Variants in PRCC observed in about 807,000 individuals in gnomAD.
PRCC encodes the protein proline-rich protein PRCC.
A neutral mutation model predicts 44.0 loss-of-function variants in PRCC; 10 were observed. The observed-to-expected ratio is 0.23, with a 90% CI of 0.14 to 0.39. The LOEUF (loss-of-function observed/expected upper bound fraction) is 0.39. Ranked by LOEUF, PRCC falls within the 10% of genes least tolerant of loss-of-function variation. PRCC has a pLI of 1.00. For synonymous variants in PRCC, 278 were observed against 259.5 expected (o/e 1.07, Z -0.69); for missense variants, 573 against 624.7 (o/e 0.92, Z 0.88).
intron 1 of PRCC, among the ~76,000 whole-genome samples, chr1:156,779,275 C>T (rs999011401): frequency 1.3e-5 from 2 of 149,142 alleles, no homozygotes; most frequent in Non-Finnish European, 3.0e-5. Flanking sequence ...TCATCTCAGC[C>T]TCCCTAGTAG....
intron 1 of PRCC, among the ~76,000 whole-genome samples, chr1:156,771,842 T>A (rs1431779205): frequency 6.6e-6 from 1 of 152,150 alleles, no homozygotes; most frequent in African/African-American, 2.4e-5. Flanking sequence ...TAAATGGTAA[T>A]GCATCATAAA....
At chr1:156,784,084 C>A (rs1461645496) in intron 2 of PRCC, among the ~76,000 whole-genome samples, 3 of 151,904 alleles carry the variant, frequency 2.0e-5, no homozygotes, top group African/African-American at 7.3e-5. Context: ...GTAGCTGGGA[C>A]TACAGGCACC....
chr1:156,778,504 T>C lies in PRCC; in HGVS notation c.469-3778T>C, dbSNP rs1213989347. On this transcript the variant is annotated intron_variant, in intron 1 of 6. Transcript: ENST00000271526. ...GCTACAGTGAACATGGGAGTGCAGA[T>C]ACCTCTTTGGCAAACTGATTTCAAA... is the stretch of plus-strand genomic sequence containing the variant. Among the ~76,000 whole-genome samples, 4 of 152,242 alleles carry C rather than the reference T, an allele frequency of 2.6e-5. 1 individual carries two copies. The South Asian group carries it at 6.2e-4, about 24-fold the overall frequency.
intron 2 of PRCC, among the ~76,000 whole-genome samples, chr1:156,783,962 G>A (rs575092002): frequency 4.7e-5 from 7 of 147,972 alleles, no homozygotes; most frequent in Non-Finnish European, 1.0e-4. Context: ...TTTTTTTTTG[G>A]GGGGGACGGA....
Position 156,767,997 on chromosome 1 carries a change from A to G in PRCC, c.226A>G (p.Arg76Gly), listed in dbSNP as rs1651473644. ...LLLPPPTGDPRLQPPPPLPFG... is the reference protein window; with the variant it reads ...LLLPPPTGDPGLQPPPPLPFG... ...GCTTCCCCCACCCACCGGAGACCCC[A>G]GGCTTCAGCCTCCTCCCCCCTTGCC... The change falls in exon 1 of 7, where the codon AGG becomes GGG. Residue 76 changes from arginine to glycine, a missense_variant. Physicochemically the swap from Arg to Gly is moderately radical, Grantham distance 125. Around this residue, in one of 4 missense-constraint regions of PRCC, gnomAD observed 245 missense variants for 188.5 expected, o/e 1.30. Coordinates refer to ENST00000271526, the MANE Select transcript of PRCC (RefSeq NM_005973.5). The G allele has an allele frequency of 6.4e-7, 1 of 1,559,188 alleles. No individual in the cohort carries two copies. Among genetic ancestry groups the G allele is most frequent in the Non-Finnish European group, 8.7e-7 (1 of 1,152,608 alleles).
intron 1 of PRCC, among the ~76,000 whole-genome samples, chr1:156,772,725 T>A (rs1651677892): frequency 6.6e-6 from 1 of 152,244 alleles, no homozygotes; most frequent in Admixed American, 6.5e-5. Flanking sequence ...TTTTTGTCAC[T>A]TCTAGTAACC....
intron 2 of PRCC, among the ~76,000 whole-genome samples, chr1:156,784,658 G>T (rs1264741114): frequency 6.6e-6 from 1 of 152,214 alleles, no homozygotes; most frequent in Non-Finnish European, 1.5e-5. Context: ...CTCCACATGA[G>T]CAGTTCTGTG....
intron 3 of PRCC, among the ~76,000 whole-genome samples, chr1:156,790,832 A>G (rs758702386): frequency 8.5e-5 from 13 of 152,234 alleles, no homozygotes; most frequent in Non-Finnish European, 1.6e-4. Flanking sequence ...AAAAAAATCC[A>G]TACTCTAATT....
chr1:156,770,431 A>G (rs1216487544), intron 1 of PRCC, among the ~76,000 whole-genome samples: 1 of 152,154 alleles, frequency 6.6e-6, no homozygotes, highest in Non-Finnish European at 1.5e-5. Flanking sequence ...CTGGAGTGCA[A>G]TGGCACAATC....
At chr1:156,771,154 A>G (rs1651620373) in intron 1 of PRCC, among the ~76,000 whole-genome samples, 2 of 152,244 alleles carry the variant, frequency 1.3e-5, no homozygotes, top group South Asian at 4.1e-4. Flanking sequence ...GAAACAATGT[A>G]TAAAAGCTTG....
intron 1 of PRCC, among the ~76,000 whole-genome samples, chr1:156,773,660 C>A (rs773128239): frequency 6.6e-6 from 1 of 152,122 alleles, no homozygotes; most frequent in Non-Finnish European, 1.5e-5. Context: ...GAAGTTGACT[C>A]CACAACCTCC....
At chr1:156,771,683 G>GGT (rs1553252092) in intron 1 of PRCC, among the ~76,000 whole-genome samples, 37 of 136,004 alleles carry the variant, frequency 2.7e-4, no homozygotes, top group African/African-American at 7.1e-4. Context: ...TAGTTTAAAT[G>GGT]TTTTTTTTTT....
chr1:156,767,791 C>T lies in PRCC; in HGVS notation c.20C>T (p.Ala7Val). 1 of 1,607,056 alleles carries T rather than the reference C, an allele frequency of 6.2e-7. No individual in the cohort carries two copies. Among genetic ancestry groups the T allele is most frequent in the Non-Finnish European group, 8.5e-7 (1 of 1,178,068 alleles). The change falls in exon 1 of 7, where the codon GCC becomes GTC. Residue 7 changes from alanine to valine, a missense_variant. Ala to Val is a moderately conservative substitution (Grantham distance 64, BLOSUM62 0). Coordinates refer to ENST00000271526, the MANE Select transcript of PRCC (RefSeq NM_005973.5). ...GGCGCCATGTCGCTGGTTGCTTACG[C>T]CAGCAGCGATGAGAGCGAGCCGGAT... MSLVAY[A>V]SSDESEPDEA...
At position 156,786,636 on chromosome 1, in the gene PRCC, C is replaced by A; in HGVS notation, c.545C>A (p.Ala182Asp). 1 of 1,613,228 alleles carries A rather than the reference C, an allele frequency of 6.2e-7. No homozygotes were observed. The highest frequency in any genetic ancestry group is 1.3e-5 in the African/African-American group (1 of 75,012). ...TCCAGTGAGGGGACTGGTTTGTCTG[C>A]CTTGCTTCCCCAACCTAAAAACCTG... ...QGSSEGTGLS[A>D]LLPQPKNLTV... Residue 182 changes from alanine (A) to aspartate (D), a missense_variant, in exon 3 of 7, where the codon GCC (alanine) becomes GAC (aspartate). Transcript: ENST00000271526.
At chr1:156,771,822 C>T (rs1447992849) in intron 1 of PRCC, among the ~76,000 whole-genome samples, 5 of 152,090 alleles carry the variant, frequency 3.3e-5, no homozygotes, top group Non-Finnish European at 7.3e-5. Flanking sequence ...TGAGCCACCA[C>T]GCCTAGCCTT....
chr1:156,792,413 C>T (rs180967316), intron 4 of PRCC, among the ~76,000 whole-genome samples: 12 of 152,126 alleles, frequency 7.9e-5, no homozygotes, highest in Admixed American at 7.9e-4. Flanking sequence ...AGAATCTGCT[C>T]ATATGGCCGT....
At chr1:156,790,595 C>G (rs993877873) in intron 3 of PRCC, among the ~76,000 whole-genome samples, 4 of 152,204 alleles carry the variant, frequency 2.6e-5, no homozygotes, top group Admixed American at 2.0e-4. Context: ...GCACTCCAGC[C>G]TGGGCAACAA....
In PRCC at chr1:156,768,152, C is replaced by T. The variant is rs1651485248; in HGVS notation, c.381C>T (p.Gly127=). 2 of 1,557,862 alleles carry T rather than the reference C, an allele frequency of 1.3e-6. No homozygotes were observed. Among genetic ancestry groups the T allele is most frequent in the Non-Finnish European group, 1.7e-6 (2 of 1,151,144 alleles). Residue 127 remains glycine, a synonymous_variant, in exon 1 of 7, where the codon GGC becomes GGT. Transcript: ENST00000271526. ...GPGLNLPPPI[G]GAGPPLGLPK... ...GCCTCAATCTGCCCCCTCCAATTGG[C>T]GGTGCCGGTCCCCCGCTGGGGCTTC... is the stretch of plus-strand genomic sequence containing the variant.
rs890646541 is a variant in PRCC, at chr1:156,798,840, CAAAAAAA to C, written c.1389+1512_1390-1515del. On this transcript the variant is annotated intron_variant, in intron 6 of 6. Transcript: ENST00000271526. The stretch of plus-strand genomic sequence containing the variant: ...CTCCAGCCTGGGTGAGACTCCATCT[CAAAAAAA>C]AAAAAAAAAAAAGATTTATGACATT... 9.3e-5 allele frequency among the ~76,000 whole-genome samples: 5 copies of C among 53,688 alleles called. No homozygotes were observed. In the East Asian group the frequency reaches 2.7e-3, roughly 29 times the overall value. The allele number at this position is 53,688 out of a possible 152,430, so 35.2% of individuals were successfully genotyped here. A position where few individuals can be genotyped will look rare whatever the true frequency, so the allele number is the denominator to read the frequency against.
Sources: allele counts gnomAD v4.1 joint callset (sites outside exome capture counted in the v4.1 genomes callset), GRCh38; gene constraint gnomAD v4.1.1; regional missense constraint gnomAD v4.1.1; transcripts MANE v1.5; gene names NCBI Gene and HGNC (gene_info 2026-07-23, HGNC 2026-07-21).